Variants in RAD51B observed in about 807,000 individuals in gnomAD.
RAD51B encodes the protein RAD51 paralog B.
RAD51B carries 38 observed loss-of-function variants against 42.2 expected under a neutral mutation model. That is an observed-to-expected ratio of 0.90 (90% CI 0.70 to 1.18). The LOEUF (loss-of-function observed/expected upper bound fraction) is 1.18, where lower values mean the gene tolerates loss of function less well. RAD51B is among the 50% of genes most tolerant of loss of function. The pLI, the probability that RAD51B is intolerant of heterozygous loss-of-function variation, is 0.00. For missense variants in RAD51B, 373 were observed against 400.7 expected, an observed-to-expected ratio of 0.93 and a Z score of 0.59; for synonymous variants, 154 against 145.2, an observed-to-expected ratio of 1.06 and a Z score of -0.43.
chr14:67,929,321 T>A (rs187856492), intron 7 of RAD51B, among the ~76,000 whole-genome samples: 100 of 152,276 alleles, frequency 6.6e-4, no homozygotes, highest in Non-Finnish European at 1.2e-3. Context: ...ATTAAAAAAA[T>A]TTTTTATCTT....
chr14:68,409,804 G>C (rs541178693), intron 8 of RAD51B, among the ~76,000 whole-genome samples: 28 of 152,198 alleles, frequency 1.8e-4, no homozygotes, highest in Non-Finnish European at 3.4e-4. Flanking sequence ...TTAAGTAGGG[G>C]AATGATGTGA....
chr14:68,435,522 T>G (rs1239134912), intron 9 of RAD51B, among the ~76,000 whole-genome samples: 2 of 151,218 alleles, frequency 1.3e-5, no homozygotes, highest in South Asian at 2.1e-4. Flanking sequence ...GGAGAACAAT[T>G]TATTTTCCTT....
At chr14:67,988,439 A>G (rs552619563) in intron 7 of RAD51B, among the ~76,000 whole-genome samples, 1 of 152,320 alleles carries the variant, frequency 6.6e-6, no homozygotes, top group East Asian at 1.9e-4. Context: ...AGCCTAGGCA[A>G]CAGAACAACA....
intron 7 of RAD51B, among the ~76,000 whole-genome samples, chr14:68,157,121 TG>T (rs2078529436): frequency 6.6e-6 from 1 of 152,180 alleles, no homozygotes; most frequent in Non-Finnish European, 1.5e-5. Flanking sequence ...TGCTTGAGCC[TG>T]GGTGGTTGAG....
chr14:68,500,259 A>G (rs1884827245), intron 10 of RAD51B, among the ~76,000 whole-genome samples: 1 of 152,252 alleles, frequency 6.6e-6, no homozygotes, highest in African/African-American at 2.4e-5. Flanking sequence ...AGTATGTCAC[A>G]TACATTATCC....
intron 11 of RAD51B, among the ~76,000 whole-genome samples, chr14:68,660,074 G>T (rs1215032559): frequency 2.0e-5 from 3 of 152,202 alleles, no homozygotes; most frequent in Non-Finnish European, 2.9e-5. Flanking sequence ...AATGCCAATG[G>T]GGGCTGGCAG....
chr14:68,369,085 A>C (rs1594739489), intron 8 of RAD51B, among the ~76,000 whole-genome samples: 1 of 152,198 alleles, frequency 6.6e-6, no homozygotes, highest in East Asian at 1.9e-4. Flanking sequence ...CTTTTCCCTG[A>C]AGCTTGCCCT....
chr14:68,476,209 A>G (rs1017548353), intron 10 of RAD51B, among the ~76,000 whole-genome samples: 10 of 152,162 alleles, frequency 6.6e-5, no homozygotes, highest in African/African-American at 2.4e-4. Flanking sequence ...AAGTAGGATG[A>G]CTGAGGTAGG....
At chr14:68,204,814 C>T (rs917323592) in intron 7 of RAD51B, among the ~76,000 whole-genome samples, 2 of 152,094 alleles carry the variant, frequency 1.3e-5, no homozygotes, top group South Asian at 4.1e-4. Flanking sequence ...TTGAAAAACT[C>T]CCAAATAATT....
Position 68,642,922 on chromosome 14 carries a change from A to G in RAD51B, c.1037-7859A>G, listed in dbSNP as rs111941650. On this transcript the variant is annotated intron_variant, in intron 10 of 11. Transcript: ENST00000488612. ...TATTTGGGGATTTTCCAGCTATCAG[A>G]CTATTTCTAGTTTAATTCCGTTGTA... 7.8e-3 allele frequency among the ~76,000 whole-genome samples: 1,188 copies of G among 152,316 alleles called. 13 individuals are homozygous for G. Among genetic ancestry groups the G allele is most frequent in the African/African-American group, 0.027 (1,109 of 41,564 alleles).
chr14:68,155,652 G>A (rs2078487889), intron 7 of RAD51B, among the ~76,000 whole-genome samples: 1 of 152,142 alleles, frequency 6.6e-6, no homozygotes, highest in Non-Finnish European at 1.5e-5. Flanking sequence ...TGGCAACCAA[G>A]TCAATAAATG....
chr14:68,067,598 C>T (rs1230715736), intron 7 of RAD51B, among the ~76,000 whole-genome samples: 1 of 151,942 alleles, frequency 6.6e-6, no homozygotes, highest in Non-Finnish European at 1.5e-5. Flanking sequence ...ACAAAGAAGG[C>T]ATGATCCTTG....
intron 7 of RAD51B, among the ~76,000 whole-genome samples, chr14:68,189,255 A>G (rs2079216090): frequency 2.0e-5 from 3 of 152,150 alleles, no homozygotes; most frequent in African/African-American, 7.2e-5. Flanking sequence ...TAGGAACAAT[A>G]TTTTAGTCAT....
chr14:68,592,065 GCCATTCCTT>G (rs1381641258), intron 10 of RAD51B, among the ~76,000 whole-genome samples: 1 of 152,102 alleles, frequency 6.6e-6, no homozygotes, highest in Admixed American at 6.5e-5. Context: ...ATCTGGTCAA[GCCATTCCTT>G]CCAGATGGCC....
intron 7 of RAD51B, among the ~76,000 whole-genome samples, chr14:67,890,587 A>C (rs1194680398): frequency 6.7e-6 from 1 of 150,126 alleles, no homozygotes; most frequent in Non-Finnish European, 1.5e-5. Context: ...CATTAGGTAT[A>C]TCTCCCAGTG....
intron 7 of RAD51B, among the ~76,000 whole-genome samples, chr14:68,198,359 A>G (rs746431761): frequency 7.2e-5 from 11 of 152,184 alleles, no homozygotes; most frequent in Non-Finnish European, 1.3e-4. Context: ...ACTAAGTCTT[A>G]ATATCAGGTA....
intron 7 of RAD51B, among the ~76,000 whole-genome samples, chr14:67,940,064 T>A (rs1212915445): frequency 5.2e-3 from 208 of 39,686 alleles, no homozygotes; most frequent in East Asian, 9.5e-3. Flanking sequence ...ATTTTTTTTT[T>A]TTTTTTTTTT....
At chr14:67,938,110 A>G (rs1047405280) in intron 7 of RAD51B, among the ~76,000 whole-genome samples, 6 of 152,084 alleles carry the variant, frequency 3.9e-5, no homozygotes, top group Non-Finnish European at 8.8e-5. Flanking sequence ...TTAAATTTTC[A>G]TTTTTTACAG....
chr14:68,014,706 A>ATAAATAAATAAATAAG (rs914265242), intron 7 of RAD51B, among the ~76,000 whole-genome samples: 1 of 151,826 alleles, frequency 6.6e-6, no homozygotes, highest in African/African-American at 2.4e-5. Flanking sequence ...AAATAAATAA[A>ATAAATAAATAAATAAG]TAAATAAATA....
Sources: gnomAD v4.1 joint callset for allele counts (sites outside exome capture counted in the v4.1 genomes callset) on GRCh38, gnomAD v4.1.1 for gene constraint, MANE v1.5 for transcripts, NCBI Gene and HGNC (gene_info 2026-07-23, HGNC 2026-07-21) for gene names.